Variants in ANGPT2 observed in about 807,000 individuals in gnomAD.
ANGPT2 encodes the protein angiopoietin-2.
Under a neutral mutation model 62.9 loss-of-function variants are expected in ANGPT2, and 28 were observed. The observed-to-expected ratio is 0.44, with a 90% CI of 0.33 to 0.61. The LOEUF (loss-of-function observed/expected upper bound fraction) is 0.61, where lower values mean the gene tolerates loss of function less well. Among genes scored for constraint, ANGPT2 ranks in the 20% least tolerant of loss-of-function variants. The probability of loss-of-function intolerance (pLI) is 0.03; values close to 1 mark genes in which losing one functional copy is unlikely to be tolerated. For missense variants in ANGPT2, 727 were observed against 594.9 expected, an observed-to-expected ratio of 1.22 and a Z score of -2.31; for synonymous variants, 284 against 207.8, an observed-to-expected ratio of 1.37 and a Z score of -3.15.
At chr8:6,510,891 T>C (rs2442632) in intron 7 of ANGPT2, among the ~76,000 whole-genome samples, 66,272 of 152,018 alleles carry the variant, frequency 0.44, 14,720 homozygotes, top group Middle Eastern at 0.53. Flanking sequence ...TTTTCCCACA[T>C]GTTTCAAAAG....
At chr8:6,560,445 G>A (rs1465147128) in intron 1 of ANGPT2, among the ~76,000 whole-genome samples, 2 of 152,180 alleles carry the variant, frequency 1.3e-5, no homozygotes, top group Non-Finnish European at 2.9e-5. Flanking sequence ...CAAACAGTGA[G>A]GTTACATTTA....
chr8:6,509,859 T>A (rs2922907), intron 7 of ANGPT2, among the ~76,000 whole-genome samples: 1 of 152,062 alleles, frequency 6.6e-6, no homozygotes, highest in South Asian at 2.1e-4. Context: ...GTGCACGCAG[T>A]GTCTGTTGTT....
intron 8 of ANGPT2, 116 bp downstream of exon 8, chr8:6,508,816 C>T (rs1417988272): frequency 8.0e-6 from 11 of 1,383,390 alleles, no homozygotes; most frequent in African/African-American, 2.8e-5. Flanking sequence ...AGTGTGTCTA[C>T]GTATGAAATT....
In ANGPT2 at chr8:6,555,326, G is replaced by C. The variant is rs141950162; in HGVS notation, c.288+7321C>G. ...TGAATTTCGTCGTCCTGCCTTTCAA[G>C]TGGTGTCCTGTGAAATCCAGCGTTT... On this transcript the variant is annotated intron_variant, in intron 1 of 8. Coordinates refer to ENST00000629816, the MANE Select transcript of ANGPT2 (RefSeq NM_001118887.2). 3.9e-4 allele frequency among the ~76,000 whole-genome samples: 60 copies of C among 152,340 alleles called. No homozygotes were observed. The East Asian group carries it at 9.4e-3, about 24-fold the overall frequency.
intron 1 of ANGPT2, among the ~76,000 whole-genome samples, chr8:6,549,297 C>T (rs1373308306): frequency 6.6e-6 from 1 of 152,240 alleles, no homozygotes; most frequent in Non-Finnish European, 1.5e-5. Context: ...GAAACTTTAA[C>T]ATGCACAACA....
chr8:6,528,640 C>T (rs908063631), intron 2 of ANGPT2, among the ~76,000 whole-genome samples: 1 of 152,260 alleles, frequency 6.6e-6, no homozygotes, highest in Non-Finnish European at 1.5e-5. Flanking sequence ...GGCTCTCCCG[C>T]GGATTCTCTA....
In ANGPT2 at chr8:6,500,596, A is replaced by G. The variant is rs1450202829; in HGVS notation, c.*2505T>C. 6.6e-6 allele frequency: 1 copy of G among 152,610 alleles called. No homozygotes were observed. Among genetic ancestry groups the G allele is most frequent in the Non-Finnish European group, 1.5e-5 (1 of 68,348 alleles). The allele number at this position is 152,610 out of a possible 1,614,324, so 9.5% of individuals were successfully genotyped here. On this transcript the variant is annotated 3_prime_UTR_variant, in exon 9 of 9. Transcript: ENST00000629816. Reference sequence around the variant, plus strand: ...TTTGAGTAGGCCATATGACTAAAACATAACAAGGAGTTGAACTGTGCTCCC... The same window carrying G: ...TTTGAGTAGGCCATATGACTAAAACGTAACAAGGAGTTGAACTGTGCTCCC...
At chr8:6,512,559 C>T (rs759421702) in intron 7 of ANGPT2, among the ~76,000 whole-genome samples, 2 of 152,178 alleles carry the variant, frequency 1.3e-5, no homozygotes, top group African/African-American at 2.4e-5. Flanking sequence ...TTTAGGCTGG[C>T]GTTGGTGCCA....
At chr8:6,505,257 ATGTT>A (rs1813133692) in intron 8 of ANGPT2, among the ~76,000 whole-genome samples, 2 of 21,758 alleles carry the variant, frequency 9.2e-5, no homozygotes, top group Non-Finnish European at 1.9e-4. Flanking sequence ...TTCTTTATAT[ATGTT>A]TTATATATAT....
intron 1 of ANGPT2, among the ~76,000 whole-genome samples, chr8:6,543,070 G>A (rs958138181): frequency 2.4e-4 from 37 of 152,166 alleles, no homozygotes; most frequent in African/African-American, 8.2e-4. Flanking sequence ...TGCCCTGCCG[G>A]GTCCCACTGC....
intron 6 of ANGPT2, 131 bp downstream of exon 6, chr8:6,514,546 G>A (rs1815855182): frequency 1.3e-6 from 1 of 784,302 alleles, no homozygotes; most frequent in Non-Finnish European, 2.1e-6. Context: ...AGGGGAGACT[G>A]AAGCACCAAT....
intron 1 of ANGPT2, among the ~76,000 whole-genome samples, chr8:6,553,335 G>C (rs1037110264): frequency 1.3e-5 from 2 of 152,098 alleles, no homozygotes; most frequent in African/African-American, 4.8e-5. Flanking sequence ...ACAACAAAAT[G>C]TTATTGTGTA....
intron 8 of ANGPT2, among the ~76,000 whole-genome samples, chr8:6,505,697 AT>A (rs1813472551): frequency 9.9e-6 from 1 of 101,192 alleles, no homozygotes; most frequent in South Asian, 3.0e-4. Flanking sequence ...GAATATATGT[AT>A]TCTTTATTAC....
chr8:6,536,680 C>G (rs537548390), intron 1 of ANGPT2, among the ~76,000 whole-genome samples: 33 of 152,158 alleles, frequency 2.2e-4, no homozygotes, highest in African/African-American at 8.0e-4. Flanking sequence ...TGAACATTTC[C>G]AAATAAAGAT....
intron 7 of ANGPT2, 26 bp downstream of exon 7, chr8:6,513,652 C>A (rs755390665): frequency 7.6e-6 from 12 of 1,583,342 alleles, no homozygotes; most frequent in Non-Finnish European, 1.0e-5. Flanking sequence ...TTAATTTTTT[C>A]TTTCAATTAC....
Position 6,562,767 on chromosome 8 carries a change from G to T in ANGPT2, c.168C>A (p.Ser56=). 6.2e-7 allele frequency: 1 copy of T among 1,613,916 alleles called. No homozygotes were observed. The highest frequency in any genetic ancestry group is 8.5e-7 in the Non-Finnish European group (1 of 1,179,992). The change falls in exon 1 of 9, where the codon TCC becomes TCA. Residue 56 remains serine, a synonymous_variant. Transcript: ENST00000629816. The part of the protein sequence containing the change: ...LLPEMDNCRS[S]SSPYVSNAVQ... Reference sequence around the variant, plus strand: ...CAGCATTGGACACGTAGGGGCTGGAGGAAGAGCGGCAGTTGTCCATCTCTG... The same window carrying T: ...CAGCATTGGACACGTAGGGGCTGGATGAAGAGCGGCAGTTGTCCATCTCTG...
chr8:6,525,911 C>A (rs1056766750), intron 3 of ANGPT2, among the ~76,000 whole-genome samples: 1 of 152,064 alleles, frequency 6.6e-6, no homozygotes, highest in Non-Finnish European at 1.5e-5. Context: ...ACATAATTGA[C>A]CCAAATTGGT....
chr8:6,500,875 C>G lies in ANGPT2; in HGVS notation c.*2226G>C, dbSNP rs1812042072. 1 of 152,156 alleles carries G rather than the reference C, an allele frequency of 6.6e-6. No individual in the cohort carries two copies. Among genetic ancestry groups the G allele is most frequent in the Admixed American group, 6.5e-5 (1 of 15,282 alleles). The allele number at this position is 152,156 out of a possible 1,614,324, so 9.4% of individuals were successfully genotyped here. On this transcript the variant is annotated 3_prime_UTR_variant, in exon 9 of 9. Coordinates refer to ENST00000629816, the MANE Select transcript of ANGPT2 (RefSeq NM_001118887.2). ...AGATTTGTCCTTGAATTTTTTATCA[C>G]CTGCCTACAAAGAGAATTGATATAA...
chr8:6,526,755 C>T (rs925179088), intron 3 of ANGPT2, among the ~76,000 whole-genome samples: 2 of 152,032 alleles, frequency 1.3e-5, no homozygotes, highest in East Asian at 3.8e-4. Context: ...TAGCCATGTT[C>T]CATGTTGTAT....
Sources: allele counts gnomAD v4.1 joint callset (sites outside exome capture counted in the v4.1 genomes callset), GRCh38; gene constraint gnomAD v4.1.1; transcripts MANE v1.5; gene names NCBI Gene and HGNC (gene_info 2026-07-23, HGNC 2026-07-21).